Variants in GPR180 observed in about 807,000 individuals in gnomAD.
The protein encoded by GPR180 is G protein-coupled receptor 180, also known as integral membrane protein GPR180.
In GPR180, 53 loss-of-function variants were observed where a neutral mutation model predicts 52.6. The observed-to-expected ratio is 1.01, with a 90% CI of 0.81 to 1.27. GPR180 has a LOEUF of 1.27. Among genes scored for constraint, GPR180 ranks in the 50% most tolerant of loss-of-function variants. The probability of loss-of-function intolerance (pLI) is 0.00; values close to 1 mark genes in which losing one functional copy is unlikely to be tolerated. For synonymous variants in GPR180, 200 were observed against 193.1 expected (o/e 1.04, Z -0.30); for missense variants, 533 against 527.0 (o/e 1.01, Z -0.11).
intron 2 of GPR180, among the ~76,000 whole-genome samples, chr13:94,609,389 G>A (rs941872910): frequency 3.9e-5 from 6 of 152,180 alleles, no homozygotes; most frequent in Non-Finnish European, 8.8e-5. Flanking sequence ...CAAGAGGCTT[G>A]TTTCCCAGCC....
intron 7 of GPR180, among the ~76,000 whole-genome samples, chr13:94,625,254 T>A (rs1195219327): frequency 2.6e-5 from 4 of 152,246 alleles, no homozygotes. Context: ...CAATTGCTAT[T>A]AGTTCTTAAT....
chr13:94,613,927 G>T (rs1889745641), intron 3 of GPR180, among the ~76,000 whole-genome samples: 1 of 150,540 alleles, frequency 6.6e-6, no homozygotes, highest in African/African-American at 2.5e-5. Flanking sequence ...CGCCCAGCCT[G>T]GAGTGCAATG....
intron 6 of GPR180, among the ~76,000 whole-genome samples, chr13:94,621,491 C>T (rs921313705): frequency 9.9e-5 from 15 of 152,204 alleles, no homozygotes; most frequent in African/African-American, 3.6e-4. Context: ...ATTTGAGCTC[C>T]TATCAGCTTA....
intron 2 of GPR180, among the ~76,000 whole-genome samples, chr13:94,607,493 G>A (rs1022045870): frequency 2.5e-4 from 38 of 152,292 alleles, no homozygotes; most frequent in South Asian, 8.3e-4. Context: ...CTTTGCATAG[G>A]CTTTTTCCTC....
rs1566984448 is a variant in GPR180 at position 94,627,370 on chromosome 13, A to G, written c.*199A>G. 2 of 475,814 alleles carry G rather than the reference A, an allele frequency of 4.2e-6. No individual in the cohort carries two copies. Among genetic ancestry groups the G allele is most frequent in the Non-Finnish European group, 7.3e-6 (2 of 274,820 alleles). The allele number at this position is 475,814 out of a possible 1,614,324, so 29.5% of individuals were successfully genotyped here. On this transcript the variant is annotated 3_prime_UTR_variant, in exon 9 of 9. Coordinates refer to ENST00000376958, the MANE Select transcript of GPR180 (RefSeq NM_180989.6). ...ATGAAATGTTTTGAAATATACTTAA[A>G]CAACAAACTTTGAAGAAAGTGTTGT...
At chr13:94,609,589 G>A (rs934185639) in intron 2 of GPR180, among the ~76,000 whole-genome samples, 1 of 152,052 alleles carries the variant, frequency 6.6e-6, no homozygotes, top group Admixed American at 6.6e-5. Flanking sequence ...ACACAGCAGA[G>A]CCTTTATATA....
intron 1 of GPR180, among the ~76,000 whole-genome samples, chr13:94,604,193 C>T (rs1889596957): frequency 6.6e-6 from 1 of 152,086 alleles, no homozygotes; most frequent in Non-Finnish European, 1.5e-5. Flanking sequence ...ATTAGCCAGG[C>T]ATGATGGCAG....
At chr13:94,603,383 T>A (rs1889585664) in intron 1 of GPR180, among the ~76,000 whole-genome samples, 1 of 152,226 alleles carries the variant, frequency 6.6e-6, no homozygotes, top group Non-Finnish European at 1.5e-5. Flanking sequence ...TAGTTCCTGA[T>A]GATCATCTGG....
Position 94,619,213 on chromosome 13 carries a change from A to G in GPR180, c.569A>G (p.Gln190Arg), listed in dbSNP as rs757386565. 6 of 1,613,994 alleles carry G rather than the reference A, an allele frequency of 3.7e-6. No homozygotes were observed. Among genetic ancestry groups the G allele is most frequent in the Admixed American group, 1.7e-5 (1 of 60,006 alleles). ...VYFVIACIYA[Q>R]SLWQAIKKGG... is the part of the protein sequence containing the mutation. ...TTTGTGATTGCTTGCATTTATGCTC[A>G]ATCATTGTGGCAGGCTATTAAGAAA... is the stretch of plus-strand genomic sequence containing the variant. The change falls in exon 4 of 9, where the codon CAA becomes CGA. Residue 190 changes from glutamine (Q) to arginine (R), a missense_variant. By Grantham distance (43) the Gln-to-Arg change is conservative (BLOSUM62 1). Coordinates refer to ENST00000376958, the MANE Select transcript of GPR180 (RefSeq NM_180989.6).
Position 94,630,347 on chromosome 13 carries a change from C to T in GPR180, c.*3176C>T, listed in dbSNP as rs1386345389. ...AGTGATCCTGCCCACTAGGGCCATT[C>T]TCCACAGTGTAGCCAAAACAATCTC... On this transcript the variant is annotated 3_prime_UTR_variant, in exon 9 of 9. Coordinates refer to ENST00000376958, the MANE Select transcript of GPR180 (RefSeq NM_180989.6). 1 of 152,244 alleles carries T rather than the reference C, an allele frequency of 6.6e-6. No individual in the cohort carries two copies. The highest frequency in any genetic ancestry group is 1.9e-4 in the East Asian group (1 of 5,196). 9.4% of individuals were successfully genotyped at this position (152,244 alleles called of 1,614,324 possible). A position where few individuals can be genotyped will look rare whatever the true frequency, so the allele number is the denominator to read the frequency against.
At chr13:94,617,507 G>T (rs9524564) in intron 3 of GPR180, among the ~76,000 whole-genome samples, 4 of 151,898 alleles carry the variant, frequency 2.6e-5, no homozygotes, top group African/African-American at 9.7e-5. Flanking sequence ...CCTTCCTGAA[G>T]TCTAAACATG....
intron 1 of GPR180, among the ~76,000 whole-genome samples, chr13:94,602,630 G>A (rs1889575094): frequency 6.6e-6 from 1 of 152,036 alleles, no homozygotes; most frequent in Admixed American, 6.6e-5. Context: ...TTTACTATGG[G>A]CAGTAAGGCC....
chr13:94,619,764 C>G (rs1031671348), intron 5 of GPR180, among the ~76,000 whole-genome samples: 5 of 152,166 alleles, frequency 3.3e-5, no homozygotes, highest in Admixed American at 3.3e-4. Context: ...GTAGCCCAGG[C>G]TGGAGTGCAG....
chr13:94,611,903 A>G (rs1057209649), intron 2 of GPR180, among the ~76,000 whole-genome samples: 4 of 148,558 alleles, frequency 2.7e-5, no homozygotes, highest in Non-Finnish European at 4.5e-5. Context: ...AAAAAAAAAA[A>G]GAATTCAGAG....
chr13:94,618,420 A>ATTTTTTTTTTTTTTTTTTTTTTT lies in GPR180; in HGVS notation c.506-729_506-707dup, dbSNP rs570807308. On this transcript the variant is annotated intron_variant, in intron 3 of 8. Transcript: ENST00000376958. ...CATGGAGTCGCATGATCAGCACAGGATTTTTTTTTTTTTTTTTTTTTTTGG... is the reference window on the plus strand; with the variant it reads ...CATGGAGTCGCATGATCAGCACAGGATTTTTTTTTTTTTTTTTTTTTTTTTTTTTTTTTTTTTTTTTTTTTTGG... Among the ~76,000 whole-genome samples the ATTTTTTTTTTTTTTTTTTTTTTT allele has an allele frequency of 1.3e-3, 109 of 87,132 alleles. 18 individuals are homozygous for ATTTTTTTTTTTTTTTTTTTTTTT. Among genetic ancestry groups the ATTTTTTTTTTTTTTTTTTTTTTT allele is most frequent in the African/African-American group, 5.0e-3 (79 of 15,836 alleles). The allele number at this position is 87,132 out of a possible 152,430, so 57.2% of individuals were successfully genotyped here.
chr13:94,623,699 A>G (rs1889886063), intron 7 of GPR180, among the ~76,000 whole-genome samples: 1 of 151,868 alleles, frequency 6.6e-6, no homozygotes, highest in African/African-American at 2.4e-5. Context: ...AAAAAAAAAA[A>G]AACTTCTGTT....
At chr13:94,606,810 A>G (rs753972208) in intron 2 of GPR180, among the ~76,000 whole-genome samples, 1 of 152,220 alleles carries the variant, frequency 6.6e-6, no homozygotes, top group Non-Finnish European at 1.5e-5. Flanking sequence ...GATTTGTGAG[A>G]TGATATTGTG....
chr13:94,624,130 G>A (rs1433457398), intron 7 of GPR180, among the ~76,000 whole-genome samples: 1 of 152,148 alleles, frequency 6.6e-6, no homozygotes, highest in Non-Finnish European at 1.5e-5. Context: ...GTGCTAGTGA[G>A]ATCTAAAAGC....
chr13:94,602,222 T>G (rs1889566308), intron 1 of GPR180, 150 bp downstream of exon 1: 4 of 734,892 alleles, frequency 5.4e-6, no homozygotes, highest in Non-Finnish European at 7.6e-6. Flanking sequence ...TTGCAGCAGC[T>G]GCCGCGAATG....
Sources: allele counts gnomAD v4.1 joint callset (sites outside exome capture counted in the v4.1 genomes callset), GRCh38; gene constraint gnomAD v4.1.1; transcripts MANE v1.5; gene names NCBI Gene and HGNC (gene_info 2026-07-23, HGNC 2026-07-21).